DYNC1I1: variants seen among roughly 807,000 people sequenced by gnomAD.
DYNC1I1 encodes cytoplasmic dynein 1 intermediate chain 1.
A neutral mutation model predicts 86.6 loss-of-function variants in DYNC1I1; 43 were observed. The ratio of observed to expected loss-of-function variants is 0.50; its 90% CI spans 0.39 to 0.64. DYNC1I1 has a LOEUF of 0.64. Among genes scored for constraint, DYNC1I1 ranks in the 30% least tolerant of loss-of-function variants. DYNC1I1 has a pLI of 0.00. For missense variants in DYNC1I1, 604 were observed against 788.8 expected, an observed-to-expected ratio of 0.77 and a Z score of 2.81; for synonymous variants, 262 against 283.7, an observed-to-expected ratio of 0.92 and a Z score of 0.77.
intron 4 of DYNC1I1, among the ~76,000 whole-genome samples, chr7:95,818,212 T>TG (rs1378967149): frequency 6.6e-6 from 1 of 151,842 alleles, no homozygotes; most frequent in African/African-American, 2.4e-5. Context: ...TGTCTTTTTT[T>TG]TTTTTTTGAC....
At chr7:95,777,599 G>A (rs1002336593) in intron 1 of DYNC1I1, among the ~76,000 whole-genome samples, 1 of 152,090 alleles carries the variant, frequency 6.6e-6, no homozygotes. Context: ...ACAGTTTTCC[G>A]CTTACCTATA....
intron 15 of DYNC1I1, among the ~76,000 whole-genome samples, chr7:96,079,842 T>A (rs1434113081): frequency 6.6e-6 from 1 of 152,222 alleles, no homozygotes; most frequent in South Asian, 2.1e-4. Flanking sequence ...TCCTTTTTTC[T>A]TCTGATCATC....
At position 96,081,155 on chromosome 7, in the gene DYNC1I1, A is replaced by G. The variant is rs560048745; in HGVS notation, c.1776+667A>G. 7.2e-5 allele frequency among the ~76,000 whole-genome samples: 11 copies of G among 152,092 alleles called. No individual in the cohort carries two copies. In the East Asian group the frequency reaches 2.1e-3, roughly 29 times the overall value. On this transcript the variant is annotated intron_variant, in intron 16 of 16. Coordinates refer to ENST00000447467, the MANE Select transcript of DYNC1I1 (RefSeq NM_001135556.2). ...AGTTGAGTTTTGGTTGGTATGTTCA[A>G]TTAACATATATACTATTTTTCTTTC...
intron 4 of DYNC1I1, among the ~76,000 whole-genome samples, chr7:95,818,315 T>A (rs1794993749): frequency 1.3e-5 from 2 of 151,790 alleles, no homozygotes; most frequent in African/African-American, 4.8e-5. Context: ...TAAATCTTTT[T>A]TTTTTTTAAA....
chr7:95,850,935 G>A (rs1004362851), intron 5 of DYNC1I1, among the ~76,000 whole-genome samples: 1 of 152,028 alleles, frequency 6.6e-6, no homozygotes, highest in Non-Finnish European at 1.5e-5. Context: ...CAGAAGCACT[G>A]TAATACCACA....
At chr7:95,949,669 G>T (rs1335817791) in intron 6 of DYNC1I1, among the ~76,000 whole-genome samples, 1 of 152,238 alleles carries the variant, frequency 6.6e-6, no homozygotes, top group Admixed American at 6.5e-5. Flanking sequence ...AAGTCATTCA[G>T]CATGGAGCTC....
At chr7:95,898,139 C>T (rs550917258) in intron 6 of DYNC1I1, among the ~76,000 whole-genome samples, 11 of 152,256 alleles carry the variant, frequency 7.2e-5, no homozygotes, top group African/African-American at 1.2e-4. Context: ...TGGCCACGCA[C>T]GGCACATCTG....
At chr7:96,000,899 A>G (rs1339446725) in intron 10 of DYNC1I1, among the ~76,000 whole-genome samples, 1 of 152,230 alleles carries the variant, frequency 6.6e-6, no homozygotes, top group Admixed American at 6.5e-5. Flanking sequence ...CTCATGGAGT[A>G]TGCGAGGGAC....
At chr7:95,901,521 T>C (rs547011648) in intron 6 of DYNC1I1, among the ~76,000 whole-genome samples, 1 of 152,338 alleles carries the variant, frequency 6.6e-6, no homozygotes, top group South Asian at 2.1e-4. Context: ...TATTTTTCTT[T>C]TCTGTTTTAA....
chr7:95,923,729 A>C (rs1463896420), intron 6 of DYNC1I1, among the ~76,000 whole-genome samples: 1 of 152,174 alleles, frequency 6.6e-6, no homozygotes, highest in Non-Finnish European at 1.5e-5. Flanking sequence ...CTTTCCCATA[A>C]TATTTGTTCA....
chr7:96,091,211 G>A (rs752154985), intron 16 of DYNC1I1, among the ~76,000 whole-genome samples: 3 of 152,066 alleles, frequency 2.0e-5, no homozygotes, highest in Admixed American at 1.3e-4. Context: ...TGTGGAAACC[G>A]ATGTACATTT....
intron 5 of DYNC1I1, among the ~76,000 whole-genome samples, chr7:95,834,715 G>A (rs1451655009): frequency 1.8e-4 from 18 of 101,116 alleles, no homozygotes; most frequent in South Asian, 4.4e-4. Flanking sequence ...TGTATGTGTC[G>A]AGGAATTTAT....
intron 11 of DYNC1I1, among the ~76,000 whole-genome samples, chr7:96,030,827 G>T (rs1419680081): frequency 6.6e-6 from 1 of 151,952 alleles, no homozygotes; most frequent in African/African-American, 2.4e-5. Context: ...ACACTGCCTG[G>T]GGCTCTACAT....
At position 95,807,808 on chromosome 7, in the gene DYNC1I1, T is replaced by G. The variant is rs12673280; in HGVS notation, c.109-2584T>G. Among the ~76,000 whole-genome samples, 971 of 152,288 alleles carry G rather than the reference T, an allele frequency of 6.4e-3. 21 individuals are homozygous for G. Among genetic ancestry groups the G allele is most frequent in the East Asian group, 0.03 (154 of 5,174 alleles). ...AGTTCTGCATCCTATCTTGACATTA[T>G]CAAACCGTTTAGTACAAGATGTTAT... On this transcript the variant is annotated intron_variant, in intron 2 of 16. Transcript: ENST00000447467.
At chr7:96,027,734 C>T (rs1356515790) in intron 10 of DYNC1I1, among the ~76,000 whole-genome samples, 1 of 152,118 alleles carries the variant, frequency 6.6e-6, no homozygotes, top group Non-Finnish European at 1.5e-5. Flanking sequence ...ATTACTCTGC[C>T]TTTACCAACA....
chr7:96,079,727 C>G (rs1409981235), intron 15 of DYNC1I1, among the ~76,000 whole-genome samples: 1 of 152,084 alleles, frequency 6.6e-6, no homozygotes, highest in Admixed American at 6.5e-5. Context: ...TCGCTTATTA[C>G]ACTTCGGTAC....
chr7:96,039,482 T>A, intron 14 of DYNC1I1, 61 bp downstream of exon 14: 15 of 1,605,584 alleles, frequency 9.3e-6, no homozygotes, highest in Non-Finnish European at 1.2e-5. Context: ...GGTTTTTCAT[T>A]CCCTGGAAAC....
chr7:95,889,893 G>C (rs1790691355), intron 6 of DYNC1I1, among the ~76,000 whole-genome samples: 1 of 152,192 alleles, frequency 6.6e-6, no homozygotes, highest in African/African-American at 2.4e-5. Flanking sequence ...ACCACCATGA[G>C]ATAGCATCTC....
chr7:96,032,561 A>T (rs888396659), intron 11 of DYNC1I1, 106 bp from the exon 12 acceptor site: 11 of 853,502 alleles, frequency 1.3e-5, no homozygotes, highest in Non-Finnish European at 1.8e-5. Context: ...TTATAGTAGG[A>T]TTATGTTACT....
Sources: allele counts gnomAD v4.1 joint callset (sites outside exome capture counted in the v4.1 genomes callset), GRCh38; gene constraint gnomAD v4.1.1; transcripts MANE v1.5; gene names NCBI Gene and HGNC (gene_info 2026-07-23, HGNC 2026-07-21).